The following PHRF1 variants were observed in gnomAD, a reference collection of about 807,000 sequenced individuals.
PHRF1 encodes the protein PHD and ring finger domains 1, also known as PHD and RING finger domain-containing protein 1.
In PHRF1, 53 loss-of-function variants were observed where a neutral mutation model predicts 128.9. That is an observed-to-expected ratio of 0.41 (90% CI 0.33 to 0.52). PHRF1 has a LOEUF of 0.52. Among genes scored for constraint, PHRF1 ranks in the 20% least tolerant of loss-of-function variants. The pLI is 0.21. For missense variants in PHRF1, 2,503 were observed against 2,284.5 expected (o/e 1.10, Z -1.95); for synonymous variants, 1,178 against 980.6 (o/e 1.20, Z -3.76).
At chr11:601,513 C>A in intron 9 of PHRF1, 61 bp from the exon 10 acceptor site, 2 of 1,605,550 alleles carry the variant, frequency 1.2e-6, no homozygotes, top group Non-Finnish European at 8.5e-7. Context: ...GCTGGACTCA[C>A]AGGAATGGGG....
intron 6 of PHRF1, among the ~76,000 whole-genome samples, chr11:596,512 G>A (rs1225502171): frequency 3.3e-5 from 5 of 152,188 alleles, no homozygotes; most frequent in African/African-American, 9.7e-5. Context: ...GGTGTGTGTC[G>A]TGTGTCGCAG....
At chr11:606,819 A>T in intron 13 of PHRF1, 1 of 863,050 alleles carries the variant, frequency 1.2e-6, no homozygotes, top group East Asian at 2.7e-5. Flanking sequence ...ACATGTCCTG[A>T]TGGGGTACTG....
intron 1 of PHRF1, 52 bp from the exon 2 acceptor site, chr11:581,439 GT>G: frequency 2.6e-6 from 4 of 1,530,976 alleles, no homozygotes; most frequent in Non-Finnish European, 3.6e-6. Context: ...TCTTCAGAGG[GT>G]TCTTTGCAGC....
rs754468441 is a variant in PHRF1, at chr11:607,094, C to G, written c.1638C>G (p.Gly546=). Residue 546 remains glycine (G), a synonymous_variant, in exon 14 of 18, where the codon GGC becomes GGG. Coordinates refer to ENST00000264555, the MANE Select transcript of PHRF1 (RefSeq NM_001286581.2). ...AAPVSFQRNS[G]SLSRGEEGFK... Reference sequence around the variant, plus strand: ...CAGTTTCTTTTCAGCGAAACTCAGGCAGTCTGTCCAGAGGGGAAGAAGGAT... The same window carrying G: ...CAGTTTCTTTTCAGCGAAACTCAGGGAGTCTGTCCAGAGGGGAAGAAGGAT... The G allele has an allele frequency of 1.9e-6, 3 of 1,559,606 alleles. No homozygotes were observed. The highest frequency in any genetic ancestry group is 2.6e-6 in the Non-Finnish European group (3 of 1,152,098).
chr11:590,736 T>G (rs1323768543), intron 4 of PHRF1, among the ~76,000 whole-genome samples: 4 of 152,160 alleles, frequency 2.6e-5, no homozygotes, highest in African/African-American at 9.7e-5. Flanking sequence ...GGAGTTTGGC[T>G]CTTGTCACCC....
chr11:593,446 C>T (rs533073942), intron 6 of PHRF1, among the ~76,000 whole-genome samples: 19 of 152,354 alleles, frequency 1.2e-4, no homozygotes, highest in African/African-American at 4.6e-4. Context: ...TGGAGCCGCA[C>T]CGAGGATGGG....
chr11:592,116 T>G (rs907371820), intron 5 of PHRF1, among the ~76,000 whole-genome samples: 5 of 151,980 alleles, frequency 3.3e-5, no homozygotes, highest in Non-Finnish European at 7.4e-5. Context: ...GGGGTTTCAC[T>G]GTGTTAGCCA....
At position 610,599 on chromosome 11, in the gene PHRF1, G is replaced by A. The variant is rs778184477; in HGVS notation, c.4515G>A (p.Gly1505=). The change falls in exon 16 of 18, where the codon GGG becomes GGA. Residue 1505 remains glycine, a synonymous_variant. Transcript: ENST00000264555. The part of the protein sequence containing the change: ...SQPTVQFILQ[G]SLPLVGCGAA... Reference sequence around the variant, plus strand: ...CCACGGTCCAGTTCATCCTTCAGGGGAGCCTGCCGCTAGTGGGCTGTGGGG... The same window carrying A: ...CCACGGTCCAGTTCATCCTTCAGGGAAGCCTGCCGCTAGTGGGCTGTGGGG... The A allele has an allele frequency of 1.9e-6, 3 of 1,606,498 alleles. No homozygotes were observed. The highest frequency in any genetic ancestry group is 1.3e-5 in the African/African-American group (1 of 75,044).
chr11:586,642 CGTGTTGAACTCGGA>C (rs1854584857), intron 3 of PHRF1, among the ~76,000 whole-genome samples: 1 of 152,104 alleles, frequency 6.6e-6, no homozygotes, highest in Admixed American at 6.5e-5. Context: ...TGGGCTCTGC[CGTGTTGAACTCGGA>C]GCATCTCCCT....
intron 9 of PHRF1, 37 bp downstream of exon 9, chr11:598,539 G>A (rs1855438652): frequency 6.3e-7 from 1 of 1,588,062 alleles, no homozygotes; most frequent in East Asian, 2.3e-5. Flanking sequence ...GCCAGCCACA[G>A]GCTGGGACCC....
At chr11:584,675 C>G (rs1269524370) in intron 3 of PHRF1, among the ~76,000 whole-genome samples, 1 of 150,064 alleles carries the variant, frequency 6.7e-6, no homozygotes, top group Non-Finnish European at 1.5e-5. Context: ...TGGGAAGGCA[C>G]TGGAGAGGTG....
rs1554908051 is a variant in PHRF1 at position 599,236 on chromosome 11, C to CT, written c.1024+745dup. 9.8e-4 allele frequency among the ~76,000 whole-genome samples: 123 copies of CT among 124,942 alleles called. 1 individual carries two copies. The highest frequency in any genetic ancestry group is 4.4e-3 in the Middle Eastern group (1 of 226). The allele number at this position is 124,942 out of a possible 152,430, so 82.0% of individuals were successfully genotyped here. On this transcript the variant is annotated intron_variant, in intron 9 of 17. Coordinates refer to ENST00000264555, the MANE Select transcript of PHRF1 (RefSeq NM_001286581.2). ...CTGTATTGAAGCATGCATACTTTTT[C>CT]TTTTTTTTTTTCTTTTCTTTTTTTT...
At chr11:603,079 T>C (rs1177342905) in intron 10 of PHRF1, among the ~76,000 whole-genome samples, 2 of 151,772 alleles carry the variant, frequency 1.3e-5, no homozygotes, top group African/African-American at 4.8e-5. Context: ...TTTTTTGAGA[T>C]GGTATCACTC....
chr11:608,265 C>A lies in PHRF1; in HGVS notation c.2809C>A (p.Pro937Thr). The change falls in exon 14 of 18, where the codon CCC becomes ACC. Residue 937 changes from proline (P) to threonine (T), a missense_variant. Physicochemically the swap from Pro to Thr is conservative, Grantham distance 38 (BLOSUM62 -1). Coordinates refer to ENST00000264555, the MANE Select transcript of PHRF1 (RefSeq NM_001286581.2). ...GLAARLRRPS[P>T]PEPWDEEDGA... ...GGCTGCCCGGCTGCGGAGGCCATCC[C>A]CCCCAGAGCCCTGGGATGAGGAGGA... 1 of 1,610,010 alleles carries A rather than the reference C, an allele frequency of 6.2e-7. No homozygotes were observed. Among genetic ancestry groups the A allele is most frequent in the Non-Finnish European group, 8.5e-7 (1 of 1,179,524 alleles).
In PHRF1 at chr11:607,391, C is replaced by T. The variant is rs374886506; in HGVS notation, c.1935C>T (p.Ala645=). The T allele has an allele frequency of 3.8e-5, 61 of 1,612,818 alleles. No individual in the cohort carries two copies. In the African/African-American group the frequency reaches 4.3e-4, roughly 11 times the overall value. Residue 645 remains alanine, a synonymous_variant, in exon 14 of 18, where the codon GCC becomes GCT. Coordinates refer to ENST00000264555, the MANE Select transcript of PHRF1 (RefSeq NM_001286581.2). ...TNKHTLPLAS[A]ASKISSRDSK... ...AGCACACCTTGCCCCTTGCCTCTGC[C>T]GCGTCTAAGATCTCAAGCAGAGATT...
rs759532390 is a variant in PHRF1, at chr11:587,266, G to T, written c.222G>T (p.Glu74Asp). Residue 74 changes from glutamate (E) to aspartate (D), a missense_variant, in exon 4 of 18, where the codon GAG becomes GAT. Coordinates refer to ENST00000264555, the MANE Select transcript of PHRF1 (RefSeq NM_001286581.2). ...EEDLEDRSGSEDSEDDGETLL... is the reference protein window; with the variant it reads ...EEDLEDRSGSDDSEDDGETLL... Reference sequence around the variant, plus strand: ...GGCATGTTTCCTCTCCAGGTTCCGAGGATTCTGAAGACGACGGGGAGACAT... The same window carrying T: ...GGCATGTTTCCTCTCCAGGTTCCGATGATTCTGAAGACGACGGGGAGACAT... 1.2e-5 allele frequency: 19 copies of T among 1,613,222 alleles called. No homozygotes were observed. Among genetic ancestry groups the T allele is most frequent in the Non-Finnish European group, 1.6e-5 (19 of 1,179,862 alleles).
chr11:608,530 C>G lies in PHRF1; in HGVS notation c.3074C>G (p.Ser1025Cys), dbSNP rs1856112888. 1.2e-6 allele frequency: 2 copies of G among 1,612,248 alleles called. No homozygotes were observed. Among genetic ancestry groups the G allele is most frequent in the East Asian group, 4.5e-5 (2 of 44,870 alleles). ...ACGCGCTCTGGGACGCGCTCTGAAT[C>G]CAGGGACAGGAGCTCGAGGTCAGCG... Reference protein sequence around the residue: ...GRTRSGTRSESRDRSSRSASP... With the variant: ...GRTRSGTRSECRDRSSRSASP... The change falls in exon 14 of 18, where the codon TCC becomes TGC. Residue 1025 changes from serine (S) to cysteine (C), a missense_variant. Coordinates refer to ENST00000264555, the MANE Select transcript of PHRF1 (RefSeq NM_001286581.2).
intron 14 of PHRF1, 69 bp downstream of exon 14, chr11:609,789 A>T: frequency 1.8e-6 from 2 of 1,084,294 alleles, no homozygotes; most frequent in Non-Finnish European, 2.4e-6. Context: ...CCCGCCGAGG[A>T]CAGAGCCCCC....
intron 6 of PHRF1, among the ~76,000 whole-genome samples, chr11:595,157 T>C (rs1422169615): frequency 2.0e-5 from 3 of 152,120 alleles, no homozygotes; most frequent in Non-Finnish European, 4.4e-5. Context: ...ACCCCGTCTC[T>C]ACTAAAAATA....
Sources: gnomAD v4.1 joint callset for allele counts (sites outside exome capture counted in the v4.1 genomes callset) on GRCh38, gnomAD v4.1.1 for gene constraint, MANE v1.5 for transcripts, NCBI Gene and HGNC (gene_info 2026-07-23, HGNC 2026-07-21) for gene names.